Variants in CTNND2 observed in about 807,000 individuals in gnomAD.
CTNND2 encodes catenin delta-2.
Under a neutral mutation model 144.4 loss-of-function variants are expected in CTNND2, and 22 were observed. The observed-to-expected ratio is 0.15, with a 90% confidence interval of 0.11 to 0.22. The LOEUF is 0.22. Ranked by LOEUF, CTNND2 falls within the 10% of genes least tolerant of loss-of-function variation. CTNND2 has a pLI of 1.00. For missense variants in CTNND2, 1,353 were observed against 1,618.8 expected, an observed-to-expected ratio of 0.84 and a Z score of 2.82; for synonymous variants, 751 against 695.6, an observed-to-expected ratio of 1.08 and a Z score of -1.25.
intron 12 of CTNND2, among the ~76,000 whole-genome samples, chr5:11,121,806 A>G (rs564813323): frequency 9.2e-5 from 14 of 152,328 alleles, no homozygotes; most frequent in Admixed American, 7.8e-4. Flanking sequence ...GATGGCCAGG[A>G]TACTGAAGAT....
chr5:11,625,739 T>C (rs1354804507), intron 2 of CTNND2, among the ~76,000 whole-genome samples: 1 of 152,042 alleles, frequency 6.6e-6, no homozygotes, highest in Non-Finnish European at 1.5e-5. Flanking sequence ...CCAATATACA[T>C]GAAGAACTTT....
chr5:11,176,508 C>T (rs1013795007), intron 11 of CTNND2, among the ~76,000 whole-genome samples: 6 of 152,066 alleles, frequency 3.9e-5, no homozygotes, highest in African/African-American at 1.4e-4. Flanking sequence ...ATTCACTTTA[C>T]CAAGTTTATC....
chr5:11,763,957 G>A (rs1487201947), intron 1 of CTNND2, among the ~76,000 whole-genome samples: 1 of 151,882 alleles, frequency 6.6e-6, no homozygotes, highest in Non-Finnish European at 1.5e-5. Context: ...TGGAACTTGT[G>A]AATATATTAT....
intron 1 of CTNND2, among the ~76,000 whole-genome samples, chr5:11,785,543 G>C (rs1581881120): frequency 6.6e-6 from 1 of 152,220 alleles, no homozygotes; most frequent in East Asian, 1.9e-4. Flanking sequence ...ATTTAACACA[G>C]TAGGAAGCAA....
At chr5:11,225,249 A>G (rs1274387227) in intron 10 of CTNND2, among the ~76,000 whole-genome samples, 10 of 152,212 alleles carry the variant, frequency 6.6e-5, no homozygotes, top group Admixed American at 5.9e-4. Context: ...AGCCACCTCT[A>G]CCAATGATAA....
At chr5:11,485,515 T>C (rs1015902973) in intron 3 of CTNND2, among the ~76,000 whole-genome samples, 1 of 152,164 alleles carries the variant, frequency 6.6e-6, no homozygotes, top group African/African-American at 2.4e-5. Flanking sequence ...GAAAATCAGC[T>C]ATCAAAATAT....
intron 9 of CTNND2, among the ~76,000 whole-genome samples, chr5:11,249,455 C>T (rs970014055): frequency 2.6e-5 from 4 of 152,034 alleles, no homozygotes; most frequent in African/African-American, 7.2e-5. Context: ...TTGGGTGCTA[C>T]GAGGATGTAG....
At chr5:11,110,281 G>T (rs1752831624) in intron 14 of CTNND2, among the ~76,000 whole-genome samples, 1 of 152,174 alleles carries the variant, frequency 6.6e-6, no homozygotes. Flanking sequence ...GAGGCCTCCA[G>T]CTCCAGCTCA....
chr5:11,024,188 A>C (rs527980420), intron 16 of CTNND2, among the ~76,000 whole-genome samples: 3 of 152,352 alleles, frequency 2.0e-5, no homozygotes, highest in African/African-American at 7.2e-5. Flanking sequence ...GCAGTGATAC[A>C]TAAAACACAG....
chr5:11,610,862 T>C (rs1213223602), intron 2 of CTNND2, among the ~76,000 whole-genome samples: 1 of 152,200 alleles, frequency 6.6e-6, no homozygotes, highest in East Asian at 1.9e-4. Context: ...GAAGCTCTTG[T>C]TCACTTGAAT....
chr5:11,706,514 AT>A (rs1785700875), intron 2 of CTNND2, among the ~76,000 whole-genome samples: 1 of 152,228 alleles, frequency 6.6e-6, no homozygotes, highest in African/African-American at 2.4e-5. Context: ...ATAAAGGCAG[AT>A]AAGCACCACC....
At chr5:11,750,602 G>C (rs1307000350) in intron 1 of CTNND2, among the ~76,000 whole-genome samples, 1 of 151,768 alleles carries the variant, frequency 6.6e-6, no homozygotes, top group Non-Finnish European at 1.5e-5. Context: ...GCCCCCAAAG[G>C]GTTCAGCTTT....
At chr5:11,555,440 C>T (rs1301471252) in intron 3 of CTNND2, among the ~76,000 whole-genome samples, 1 of 151,590 alleles carries the variant, frequency 6.6e-6, no homozygotes, top group Non-Finnish European at 1.5e-5. Context: ...CTAGTGACTA[C>T]AAAAAAAGAG....
In CTNND2 at chr5:11,098,568, GC is replaced by G; in HGVS notation, c.2637+6del. ...GATTTCTTTTTATTGTAATGAACTG[GC>G]CATACCTTCCAGCTCCCTGCAGCCA... On this transcript the variant is annotated splice_donor_region_variant and intron_variant, in intron 15 of 21. Coordinates refer to ENST00000304623, the MANE Select transcript of CTNND2 (RefSeq NM_001332.4). 1 of 1,612,470 alleles carries G rather than the reference GC, an allele frequency of 6.2e-7. No homozygotes were observed. Among genetic ancestry groups the G allele is most frequent in the South Asian group, 1.1e-5 (1 of 90,924 alleles).
At chr5:11,830,774 C>T (rs897243506) in intron 1 of CTNND2, among the ~76,000 whole-genome samples, 5 of 152,080 alleles carry the variant, frequency 3.3e-5, no homozygotes, top group Admixed American at 6.5e-5. Flanking sequence ...GCAGAGCACC[C>T]GGACTCCTTA....
In CTNND2 at chr5:11,220,867, A is replaced by G. The variant is rs145824237; in HGVS notation, c.1761+15824T>C. On this transcript the variant is annotated intron_variant, in intron 10 of 21. Coordinates refer to ENST00000304623, the MANE Select transcript of CTNND2 (RefSeq NM_001332.4). ...TTCAATTGCAAGATTCTTTCAAACA[A>G]TCTTTGGAAGTTGAAGAGAGCCTGT... Among the ~76,000 whole-genome samples the G allele has an allele frequency of 5.1e-3, 770 of 152,310 alleles. 22 individuals are homozygous for G. Among genetic ancestry groups the G allele is most frequent in the Non-Finnish European group, 1.3e-3 (86 of 68,036 alleles).
At chr5:11,461,061 C>T (rs1014690778) in intron 3 of CTNND2, among the ~76,000 whole-genome samples, 5 of 151,822 alleles carry the variant, frequency 3.3e-5, no homozygotes, top group Admixed American at 2.0e-4. Context: ...AATTGCACTC[C>T]TCCCTTCACT....
At chr5:11,133,446 G>A (rs540416925) in intron 12 of CTNND2, among the ~76,000 whole-genome samples, 21 of 152,126 alleles carry the variant, frequency 1.4e-4, no homozygotes, top group African/African-American at 4.6e-4. Flanking sequence ...TCTGCCTCGC[G>A]GGTTCAAGCA....
intron 6 of CTNND2, chr5:11,385,805 GAA>G (rs912541570): frequency 6.6e-5 from 10 of 152,006 alleles, no homozygotes; most frequent in African/African-American, 2.4e-4. Context: ...TTTGGACAAT[GAA>G]AAGTTAAACG....
Sources: allele counts gnomAD v4.1 joint callset (sites outside exome capture counted in the v4.1 genomes callset), GRCh38; gene constraint gnomAD v4.1.1; transcripts MANE v1.5; gene names NCBI Gene and HGNC (gene_info 2026-07-23, HGNC 2026-07-21).